TCF4: variants seen among roughly 807,000 people sequenced by gnomAD.
TCF4 encodes transcription factor 4.
In TCF4, 3 loss-of-function variants were observed where a neutral mutation model predicts 82.1. That is an observed-to-expected ratio of 0.04 (90% CI 0.02 to 0.09). TCF4 has a LOEUF of 0.09. Among genes scored for constraint, TCF4 ranks in the 10% least tolerant of loss-of-function variants. TCF4 has a pLI of 1.00. For missense variants in TCF4, 518 were observed against 852.7 expected (o/e 0.61, Z 4.89); for synonymous variants, 276 against 309.6 (o/e 0.89, Z 1.14).
At chr18:55,394,668 T>C (rs1434245091) in intron 6 of TCF4, among the ~76,000 whole-genome samples, 1 of 152,210 alleles carries the variant, frequency 6.6e-6, no homozygotes, top group Non-Finnish European at 1.5e-5. Context: ...AACATTTGCA[T>C]GTTGGAAATG....
intron 8 of TCF4, among the ~76,000 whole-genome samples, chr18:55,328,879 A>G (rs1192137640): frequency 6.6e-6 from 1 of 152,150 alleles, no homozygotes; most frequent in East Asian, 1.9e-4. Flanking sequence ...TTCTAAATGA[A>G]CTAATTATCT....
At chr18:55,234,474 A>C in intron 16 of TCF4, 74 bp downstream of exon 16, 1 of 1,597,190 alleles carries the variant, frequency 6.3e-7, no homozygotes. Flanking sequence ...AGGGATGAAC[A>C]CCAAGAGGCT....
chr18:55,503,920 T>C (rs1436061642), intron 3 of TCF4, among the ~76,000 whole-genome samples: 1 of 151,912 alleles, frequency 6.6e-6, no homozygotes, highest in Non-Finnish European at 1.5e-5. Flanking sequence ...ACTAAAAATA[T>C]AAAAATTAGC....
chr18:55,412,372 G>A (rs1472815318), intron 5 of TCF4, among the ~76,000 whole-genome samples: 2 of 148,780 alleles, frequency 1.3e-5, no homozygotes, highest in African/African-American at 2.5e-5. Flanking sequence ...TTAAGAAATC[G>A]ATTTTACATT....
At chr18:55,504,141 C>T (rs1053117286) in intron 3 of TCF4, among the ~76,000 whole-genome samples, 7 of 152,206 alleles carry the variant, frequency 4.6e-5, no homozygotes, top group African/African-American at 7.2e-5. Context: ...TGTATTCGTT[C>T]TGCAACACTT....
intron 6 of TCF4, among the ~76,000 whole-genome samples, chr18:55,403,125 T>C (rs549011148): frequency 1.3e-5 from 2 of 152,312 alleles, no homozygotes; most frequent in South Asian, 4.1e-4. Flanking sequence ...GCGTAAGAAA[T>C]TCTTAAGTTC....
chr18:55,589,545 CCAA>C (rs2097679479), upstream of TCF4: 1 of 1,047,306 alleles, frequency 9.5e-7, no homozygotes, highest in Non-Finnish European at 1.2e-6. Flanking sequence ...AAAAAAAAAT[CCAA>C]CAACTTTTTC....
chr18:55,305,482 A>G (rs2069968977), intron 8 of TCF4, among the ~76,000 whole-genome samples: 1 of 152,164 alleles, frequency 6.6e-6, no homozygotes. Flanking sequence ...CTAATCTATT[A>G]CTTTTATTTC....
intron 8 of TCF4, chr18:55,321,661 T>C: frequency 6.5e-7 from 1 of 1,536,136 alleles, no homozygotes; most frequent in Non-Finnish European, 8.7e-7. Context: ...GCAGCCCGCA[T>C]TCGCTTACCG....
chr18:55,618,786 C>G (rs1463556457), intron 2 of TCF4, among the ~76,000 whole-genome samples: 1 of 151,220 alleles, frequency 6.6e-6, no homozygotes, highest in Non-Finnish European at 1.5e-5. Flanking sequence ...AGAGTCTTGC[C>G]ATGTTGCCCA....
chr18:55,428,192 G>GAC (rs1347736079), intron 5 of TCF4, among the ~76,000 whole-genome samples: 1 of 152,022 alleles, frequency 6.6e-6, no homozygotes, highest in Admixed American at 6.6e-5. Context: ...GACCAAAAAA[G>GAC]ACACACCCAT....
chr18:55,444,005 G>C (rs2095484972), intron 5 of TCF4, among the ~76,000 whole-genome samples: 1 of 152,164 alleles, frequency 6.6e-6, no homozygotes, highest in Non-Finnish European at 1.5e-5. Context: ...ATGTCACCCA[G>C]GTAGTAAAGG....
chr18:55,608,058 A>T (rs2097703743), intron 2 of TCF4, among the ~76,000 whole-genome samples: 1 of 152,210 alleles, frequency 6.6e-6, no homozygotes, highest in Non-Finnish European at 1.5e-5. Context: ...TGCGTGCCAC[A>T]TGCTTCGTCT....
chr18:55,458,529 C>T (rs1476533698), intron 5 of TCF4, among the ~76,000 whole-genome samples: 4 of 152,100 alleles, frequency 2.6e-5, no homozygotes, highest in Admixed American at 2.6e-4. Flanking sequence ...AATTAATTGT[C>T]GTTAATTTCT....
intron 12 of TCF4, 30 bp downstream of exon 12, chr18:55,261,436 A>G: frequency 6.2e-7 from 1 of 1,612,048 alleles, no homozygotes; most frequent in African/African-American, 1.3e-5. Context: ...ACAATGGTAC[A>G]TATGGAGTCC....
At chr18:55,502,937 A>G (rs2096716010) in intron 3 of TCF4, among the ~76,000 whole-genome samples, 2 of 152,202 alleles carry the variant, frequency 1.3e-5, no homozygotes, top group South Asian at 2.1e-4. Context: ...CTTACAGTGG[A>G]ATACTTTGAT....
At chr18:55,236,454 CT>C (rs77656375) in intron 15 of TCF4, among the ~76,000 whole-genome samples, 4,746 of 145,252 alleles carry the variant, frequency 0.033, 100 homozygotes, top group Non-Finnish European at 0.051. Flanking sequence ...AAGTACAAAC[CT>C]TTTTTTTTTT....
intron 3 of TCF4, among the ~76,000 whole-genome samples, chr18:55,544,562 G>C (rs1307410749): frequency 6.6e-6 from 1 of 152,066 alleles, no homozygotes; most frequent in Non-Finnish European, 1.5e-5. Flanking sequence ...TCTTCATTCT[G>C]ACTTCTCGAA....
At chr18:55,353,679 A>C (rs140435268) in intron 6 of TCF4, among the ~76,000 whole-genome samples, 1 of 152,320 alleles carries the variant, frequency 6.6e-6, no homozygotes, top group East Asian at 1.9e-4. Context: ...TCAGATACTT[A>C]ACTCTCTGTA....
Sources: allele counts gnomAD v4.1 joint callset (sites outside exome capture counted in the v4.1 genomes callset), GRCh38; gene constraint gnomAD v4.1.1; transcripts MANE v1.5; gene names NCBI Gene and HGNC (gene_info 2026-07-23, HGNC 2026-07-21).